The following ANKRD22 variants were observed in gnomAD, a reference collection of about 807,000 sequenced individuals.
ANKRD22 encodes the protein ankyrin repeat domain 22, also known as ankyrin repeat domain-containing protein 22.
ANKRD22 carries 24 observed loss-of-function variants against 25.7 expected under a neutral mutation model. That is an observed-to-expected ratio of 0.93 (90% confidence interval 0.68 to 1.31). The LOEUF (loss-of-function observed/expected upper bound fraction) is 1.31, where lower values mean the gene tolerates loss of function less well. ANKRD22 is among the 50% of genes most tolerant of loss of function. The pLI is 0.00. For missense variants in ANKRD22, 214 were observed against 227.1 expected, an observed-to-expected ratio of 0.94 and a Z score of 0.37; for synonymous variants, 84 against 84.3, an observed-to-expected ratio of 1.00 and a Z score of 0.02.
At position 88,831,919 on chromosome 10, in the gene ANKRD22, G is replaced by A; in HGVS notation, c.129C>T (p.Pro43=). 6.2e-7 allele frequency: 1 copy of A among 1,613,902 alleles called. No individual in the cohort carries two copies. Among genetic ancestry groups the A allele is most frequent in the Middle Eastern group, 1.6e-4 (1 of 6,062 alleles). The change falls in exon 2 of 6, where the codon CCC becomes CCT. Residue 43 remains proline, a synonymous_variant. Coordinates refer to ENST00000371930, the MANE Select transcript of ANKRD22 (RefSeq NM_144590.3). ...NVQDGFNGDT[P]LICACRRGHV... Reference sequence around the variant, plus strand: ...GCCCTCGCCTGCAAGCACAGATCAGGGGCGTGTCTCCATTAAAGCCATCTT... The same window carrying A: ...GCCCTCGCCTGCAAGCACAGATCAGAGGCGTGTCTCCATTAAAGCCATCTT...
rs979654337 is a variant in ANKRD22, at chr10:88,822,261, T to C, written c.*680A>G. 7.2e-5 allele frequency: 11 copies of C among 152,302 alleles called. No individual in the cohort carries two copies. The highest frequency in any genetic ancestry group is 2.6e-4 in the Admixed American group (4 of 15,296). 9.4% of individuals were successfully genotyped at this position (152,302 alleles called of 1,614,324 possible). ...AAACACACTCACCGCTGACACTTGA[T>C]AGATGTTTTTATTGAAATTCCTTCA... is the stretch of plus-strand genomic sequence containing the variant. On this transcript the variant is annotated 3_prime_UTR_variant, in exon 6 of 6. Coordinates refer to ENST00000371930, the MANE Select transcript of ANKRD22 (RefSeq NM_144590.3).
intron 1 of ANKRD22, among the ~76,000 whole-genome samples, chr10:88,834,186 A>G (rs1019547751): frequency 6.6e-6 from 1 of 152,244 alleles, no homozygotes; most frequent in African/African-American, 2.4e-5. Context: ...TTCAAAAATA[A>G]GTAAAACAAA....
At chr10:88,832,418 C>G (rs988151410) in intron 1 of ANKRD22, among the ~76,000 whole-genome samples, 6 of 148,520 alleles carry the variant, frequency 4.0e-5, no homozygotes, top group African/African-American at 1.6e-4. Flanking sequence ...AGACAAAATA[C>G]CTTTATCTTT....
At chr10:88,829,939 G>T (rs1355612428) in intron 2 of ANKRD22, among the ~76,000 whole-genome samples, 35 of 152,118 alleles carry the variant, frequency 2.3e-4, no homozygotes, top group Admixed American at 2.2e-3. Flanking sequence ...ACCACACCTG[G>T]ATAATTTTTT....
intron 1 of ANKRD22, among the ~76,000 whole-genome samples, chr10:88,841,888 TC>T (rs773342015): frequency 6.6e-6 from 1 of 152,126 alleles, no homozygotes; most frequent in Non-Finnish European, 1.5e-5. Flanking sequence ...CTCCTTGCAT[TC>T]CCTCCAAAAA....
intron 4 of ANKRD22, among the ~76,000 whole-genome samples, chr10:88,823,755 G>A (rs1444327980): frequency 2.0e-5 from 3 of 149,158 alleles, no homozygotes; most frequent in Non-Finnish European, 4.4e-5. Flanking sequence ...TCGAACCCGG[G>A]AGGCGGAGCT....
At chr10:88,823,405 G>T in intron 4 of ANKRD22, 27 bp from the exon 5 acceptor site, 1 of 1,572,528 alleles carries the variant, frequency 6.4e-7, no homozygotes, top group Non-Finnish European at 8.8e-7. Context: ...CAAAACTTCA[G>T]CTCATAAGTC....
At chr10:88,825,343 T>C (rs763530666) in intron 4 of ANKRD22, among the ~76,000 whole-genome samples, 4 of 152,218 alleles carry the variant, frequency 2.6e-5, no homozygotes, top group Non-Finnish European at 4.4e-5. Context: ...GAAAGATGAG[T>C]GCAAGAGCAC....
At chr10:88,825,036 C>CACAA (rs1843841101) in intron 4 of ANKRD22, among the ~76,000 whole-genome samples, 1 of 151,812 alleles carries the variant, frequency 6.6e-6, no homozygotes, top group Non-Finnish European at 1.5e-5. Flanking sequence ...CACACACACA[C>CACAA]ACACACAACT....
chr10:88,848,006 T>G (rs1349253664), intron 1 of ANKRD22, among the ~76,000 whole-genome samples: 1 of 151,834 alleles, frequency 6.6e-6, no homozygotes, highest in Non-Finnish European at 1.5e-5. Context: ...AACTGTGCAT[T>G]GTGTACCTGC....
rs928212371 is a variant in ANKRD22, at chr10:88,821,070, T to A, written c.*1871A>T. ...TATAGTTGCATCTCAGGGAAGAAAA[T>A]TTTATAGGATGTTTATGAGTTCTCC... is the stretch of plus-strand genomic sequence containing the variant. On this transcript the variant is annotated 3_prime_UTR_variant, in exon 6 of 6. Coordinates refer to ENST00000371930, the MANE Select transcript of ANKRD22 (RefSeq NM_144590.3). Among the ~76,000 whole-genome samples the A allele has an allele frequency of 9.9e-5, 15 of 152,252 alleles. No homozygotes were observed. The highest frequency in any genetic ancestry group is 3.4e-4 in the African/African-American group (14 of 41,556).
chr10:88,843,581 G>T (rs747014008), intron 1 of ANKRD22, among the ~76,000 whole-genome samples: 71 of 152,116 alleles, frequency 4.7e-4, no homozygotes, highest in Non-Finnish European at 8.8e-4. Context: ...GGACTTTAGG[G>T]TTCCAGGATT....
In ANKRD22 at chr10:88,831,708, G is replaced by C; in HGVS notation, c.213+127C>G. 7 of 943,362 alleles carry C rather than the reference G, an allele frequency of 7.4e-6. No individual in the cohort carries two copies. The South Asian group carries it at 1.1e-4, about 15-fold the overall frequency. 58.4% of individuals were successfully genotyped at this position (943,362 alleles called of 1,614,324 possible). A position where few individuals can be genotyped will look rare whatever the true frequency, so the allele number is the denominator to read the frequency against. On this transcript the variant is annotated intron_variant, in intron 2 of 5. Coordinates refer to ENST00000371930, the MANE Select transcript of ANKRD22 (RefSeq NM_144590.3). Reference sequence around the variant, plus strand: ...GGTATGTGTCAGTCTTTCTAAAGTAGGCTAAGATAATTGTTCGTATTAGGA... The same window carrying C: ...GGTATGTGTCAGTCTTTCTAAAGTACGCTAAGATAATTGTTCGTATTAGGA...
chr10:88,823,417 G>C (rs746966155), intron 4 of ANKRD22, 39 bp from the exon 5 acceptor site: 5 of 1,482,652 alleles, frequency 3.4e-6, no homozygotes, highest in Middle Eastern at 1.7e-4. Context: ...TCATAAGTCG[G>C]GCCCTCCACA....
intron 1 of ANKRD22, among the ~76,000 whole-genome samples, chr10:88,837,233 C>T (rs575637665): frequency 6.6e-6 from 1 of 152,304 alleles, no homozygotes; most frequent in African/African-American, 2.4e-5. Flanking sequence ...GCTAAGTTTC[C>T]TTCTGCTTTT....
At chr10:88,828,972 G>A (rs1186154918) in intron 2 of ANKRD22, among the ~76,000 whole-genome samples, 2 of 152,260 alleles carry the variant, frequency 1.3e-5, no homozygotes, top group East Asian at 3.9e-4. Context: ...GATACACTGA[G>A]ATATAAACTT....
rs1844108133 is a variant in ANKRD22 at position 88,851,818 on chromosome 10, T to C, written c.-211A>G. ...ACACCTTCCAGAGAGCCCAGCCCAA[T>C]GAAACAAAGGCACTGGTGTCATGTG... On this transcript the variant is annotated 5_prime_UTR_variant, in exon 1 of 6. Transcript: ENST00000371930. The C allele has an allele frequency of 8.7e-6, 5 of 575,430 alleles. No homozygotes were observed. The highest frequency in any genetic ancestry group is 7.5e-5 in the African/African-American group (4 of 53,366). 35.6% of individuals were successfully genotyped at this position (575,430 alleles called of 1,614,324 possible).
chr10:88,849,893 T>G (rs1019155986), intron 1 of ANKRD22, among the ~76,000 whole-genome samples: 1 of 152,078 alleles, frequency 6.6e-6, no homozygotes. Context: ...CATTCTCTCC[T>G]TCTTTCTTAA....
intron 2 of ANKRD22, among the ~76,000 whole-genome samples, chr10:88,829,824 G>A (rs926000684): frequency 4.6e-5 from 7 of 152,118 alleles, no homozygotes; most frequent in Non-Finnish European, 1.0e-4. Flanking sequence ...CCACCTAGGC[G>A]GGAGTGCAGT....
Sources: gnomAD v4.1 joint callset for allele counts (sites outside exome capture counted in the v4.1 genomes callset) on GRCh38, gnomAD v4.1.1 for gene constraint, MANE v1.5 for transcripts, NCBI Gene and HGNC (gene_info 2026-07-23, HGNC 2026-07-21) for gene names.